DENND4C: variants seen among roughly 807,000 people sequenced by gnomAD.
DENND4C encodes DENN domain containing 4C, also known as DENN domain-containing protein 4C.
In DENND4C, 108 loss-of-function variants were observed where a neutral mutation model predicts 203.0. The observed-to-expected ratio is 0.53, with a 90% CI of 0.46 to 0.62. The LOEUF (loss-of-function observed/expected upper bound fraction) is 0.62. DENND4C is among the 20% of genes least tolerant of loss of function. The probability of loss-of-function intolerance (pLI) is 0.00; values close to 1 mark genes in which losing one functional copy is unlikely to be tolerated. For synonymous variants in DENND4C, 871 were observed against 792.4 expected (o/e 1.10, Z -1.67); for missense variants, 2,481 against 2,301.2 (o/e 1.08, Z -1.60).
At chr9:19,277,516 A>C (rs1364316007) in intron 2 of DENND4C, among the ~76,000 whole-genome samples, 1 of 152,020 alleles carries the variant, frequency 6.6e-6, no homozygotes, top group Non-Finnish European at 1.5e-5. Flanking sequence ...CTAATCTTGC[A>C]CTCTGCAACT....
chr9:19,251,751 G>C (rs1826656107), intron 1 of DENND4C, among the ~76,000 whole-genome samples: 1 of 152,172 alleles, frequency 6.6e-6, no homozygotes, highest in Non-Finnish European at 1.5e-5. Context: ...AATGCTGCCA[G>C]TCTGTTTGCT....
intron 1 of DENND4C, among the ~76,000 whole-genome samples, chr9:19,257,767 C>T (rs1267777197): frequency 6.6e-6 from 1 of 152,042 alleles, no homozygotes; most frequent in African/African-American, 2.4e-5. Flanking sequence ...CAACTTTATG[C>T]CAATAAATTT....
chr9:19,264,687 C>G (rs1830124896), intron 1 of DENND4C, among the ~76,000 whole-genome samples: 1 of 152,106 alleles, frequency 6.6e-6, no homozygotes, highest in African/African-American at 2.4e-5. Flanking sequence ...TGAGCCTTCT[C>G]TCTTTTTTTC....
intron 1 of DENND4C, among the ~76,000 whole-genome samples, chr9:19,235,609 C>CTTTTTTTTTTTTTTTTTTTT (rs58031665): frequency 8.4e-6 from 1 of 118,940 alleles, no homozygotes; most frequent in Non-Finnish European, 1.7e-5. Context: ...GAAGAGTCAT[C>CTTTTTTTTTTTTTTTTTTTT]TTTTTTTTTT....
intron 18 of DENND4C, among the ~76,000 whole-genome samples, chr9:19,335,988 G>C (rs1820376340): frequency 6.6e-6 from 1 of 152,000 alleles, no homozygotes. Context: ...TTTCCACCAA[G>C]ACTGTGTAGG....
At chr9:19,262,699 T>C (rs1183646690) in intron 1 of DENND4C, among the ~76,000 whole-genome samples, 1 of 152,120 alleles carries the variant, frequency 6.6e-6, no homozygotes, top group East Asian at 1.9e-4. Context: ...CCCAGAGTGC[T>C]GGGATTACAG....
At chr9:19,275,230 G>A (rs993384477) in intron 1 of DENND4C, among the ~76,000 whole-genome samples, 1 of 150,310 alleles carries the variant, frequency 6.7e-6, no homozygotes, top group African/African-American at 2.5e-5. Context: ...CACCCGCCTC[G>A]GCCTCCCAAA....
Position 19,263,548 on chromosome 9 carries a change from A to G in DENND4C, c.-17-12610A>G, listed in dbSNP as rs969654293. Among the ~76,000 whole-genome samples the G allele has an allele frequency of 3.3e-5, 5 of 151,984 alleles. No homozygotes were observed. In the East Asian group the frequency reaches 9.7e-4, roughly 29 times the overall value. On this transcript the variant is annotated intron_variant, in intron 1 of 32. Transcript: ENST00000434457. ...ATTTTTTTGTGTTTTTAGTAGAAAC[A>G]AGGTTTCACCCTGTTGGCCAAGCTG...
intron 1 of DENND4C, among the ~76,000 whole-genome samples, chr9:19,234,782 T>C (rs1328426677): frequency 6.6e-6 from 1 of 151,770 alleles, no homozygotes; most frequent in Non-Finnish European, 1.5e-5. Context: ...GTTCAAGCGA[T>C]CCACCCATCT....
Position 19,374,052 on chromosome 9 carries a change from T to G in DENND4C, c.*1879T>G, listed in dbSNP as rs998944473. ...AAGACTTGGTACTAGTTTTAATACT[T>G]AACACTTACTGACCCAACAGAAGTT... On this transcript the variant is annotated 3_prime_UTR_variant, in exon 33 of 33. Coordinates refer to ENST00000434457, the MANE Select transcript of DENND4C (RefSeq NM_001330640.2). Among the ~76,000 whole-genome samples, 1 of 152,208 alleles carries G rather than the reference T, an allele frequency of 6.6e-6. No individual in the cohort carries two copies. Among genetic ancestry groups the G allele is most frequent in the Non-Finnish European group, 1.5e-5 (1 of 68,036 alleles).
chr9:19,340,869 C>A, intron 20 of DENND4C, 123 bp from the exon 21 acceptor site: 1 of 804,956 alleles, frequency 1.2e-6, no homozygotes, highest in Non-Finnish European at 1.8e-6. Context: ...TCCTTGTGTG[C>A]TTTCTTGTCT....
At chr9:19,253,874 C>G (rs1327788151) in intron 1 of DENND4C, among the ~76,000 whole-genome samples, 12 of 152,222 alleles carry the variant, frequency 7.9e-5, no homozygotes, top group Admixed American at 7.9e-4. Flanking sequence ...AGCAAGGTGG[C>G]TCATTCCTGT....
intron 1 of DENND4C, among the ~76,000 whole-genome samples, chr9:19,267,138 T>C (rs1417278699): frequency 1.3e-5 from 2 of 152,202 alleles, no homozygotes; most frequent in African/African-American, 4.8e-5. Flanking sequence ...ATTTAGTCTA[T>C]AGTGCAGATT....
chr9:19,287,663 A>G (rs931040766), intron 3 of DENND4C, among the ~76,000 whole-genome samples: 10 of 151,876 alleles, frequency 6.6e-5, no homozygotes, highest in African/African-American at 2.4e-4. Context: ...TGTTTTTGAG[A>G]CAGGGTCTCC....
chr9:19,258,944 C>T (rs1828673977), intron 1 of DENND4C, among the ~76,000 whole-genome samples: 1 of 151,958 alleles, frequency 6.6e-6, no homozygotes, highest in Admixed American at 6.6e-5. Context: ...TGTGAGCCAC[C>T]CTGCCTGGCC....
chr9:19,321,469 G>T (rs1417431179), intron 12 of DENND4C, among the ~76,000 whole-genome samples: 1 of 145,360 alleles, frequency 6.9e-6, no homozygotes, highest in Non-Finnish European at 1.5e-5. Context: ...CAGATCGAAG[G>T]TTTTTTTTTT....
At chr9:19,329,553 G>A (rs1818612722) in intron 16 of DENND4C, among the ~76,000 whole-genome samples, 1 of 152,040 alleles carries the variant, frequency 6.6e-6, no homozygotes. Context: ...TATTTCTTTG[G>A]GGTATATATC....
intron 4 of DENND4C, among the ~76,000 whole-genome samples, chr9:19,289,829 A>G (rs967240104): frequency 4.6e-4 from 2 of 4,364 alleles, no homozygotes; most frequent in Non-Finnish European, 1.4e-3. Context: ...ATCCTGTCTC[A>G]AAAAAAAAAA....
intron 10 of DENND4C, among the ~76,000 whole-genome samples, chr9:19,311,417 C>T (rs891273405): frequency 1.3e-5 from 2 of 152,194 alleles, no homozygotes; most frequent in East Asian, 1.9e-4. Flanking sequence ...TGAGCCACTG[C>T]GCCTGGCCCC....
Sources: allele counts gnomAD v4.1 joint callset (sites outside exome capture counted in the v4.1 genomes callset), GRCh38; gene constraint gnomAD v4.1.1; transcripts MANE v1.5; gene names NCBI Gene and HGNC (gene_info 2026-07-23, HGNC 2026-07-21).